The following ABI1 variants were observed in gnomAD, a reference collection of about 807,000 sequenced individuals.
The protein encoded by ABI1 is Abelson interactor 1.
A neutral mutation model predicts 54.6 loss-of-function variants in ABI1; 14 were observed. That is an observed-to-expected ratio of 0.26 (90% confidence interval 0.17 to 0.40). ABI1 has a LOEUF of 0.40. ABI1 is among the 10% of genes least tolerant of loss of function. The pLI is 1.00. For missense variants in ABI1, 443 were observed against 598.3 expected (o/e 0.74, Z 2.71); for synonymous variants, 194 against 209.3 (o/e 0.93, Z 0.63).
intron 10 of ABI1, 136 bp from the exon 11 acceptor site, chr10:26,748,881 A>G (rs1301551530): frequency 1.5e-6 from 1 of 684,252 alleles, no homozygotes; most frequent in African/African-American, 1.8e-5. Flanking sequence ...GTATCTATCA[A>G]TATAAGTAGG....
Position 26,770,234 on chromosome 10 carries a change from T to C in ABI1, c.578+11A>G. ...TATGAATTCTTTTGCAAAATGTAGT[T>C]GAATTCTTACCCCAGTGTTCCCCGG... On this transcript the variant is annotated intron_variant, in intron 5 of 10. Coordinates refer to ENST00000376140, the MANE Select transcript of ABI1 (RefSeq NM_001012750.3). 1 of 1,609,482 alleles carries C rather than the reference T, an allele frequency of 6.2e-7. No homozygotes were observed. The highest frequency in any genetic ancestry group is 8.5e-7 in the Non-Finnish European group (1 of 1,175,832).
intron 1 of ABI1, among the ~76,000 whole-genome samples, chr10:26,834,548 A>AC (rs2048903568): frequency 7.2e-6 from 1 of 138,546 alleles, no homozygotes; most frequent in African/African-American, 2.7e-5. Flanking sequence ...AGACATACAA[A>AC]ACACACACAC....
chr10:26,840,403 A>G (rs1164854674), intron 1 of ABI1, among the ~76,000 whole-genome samples: 3 of 152,220 alleles, frequency 2.0e-5, no homozygotes, highest in Non-Finnish European at 2.9e-5. Context: ...CTGCAGAACC[A>G]CAAGTCAAAT....
intron 1 of ABI1, among the ~76,000 whole-genome samples, chr10:26,824,409 A>G (rs971745266): frequency 6.6e-6 from 1 of 152,200 alleles, no homozygotes; most frequent in Non-Finnish European, 1.5e-5. Context: ...ATACAAAACC[A>G]TATGTACACA....
At chr10:26,859,030 A>G (rs1427901787) in intron 1 of ABI1, among the ~76,000 whole-genome samples, 3 of 152,224 alleles carry the variant, frequency 2.0e-5, no homozygotes, top group Admixed American at 2.0e-4. Context: ...CCTCAATTTC[A>G]AGGCTTTTCA....
chr10:26,839,423 G>A (rs7082752), intron 1 of ABI1, among the ~76,000 whole-genome samples: 1,629 of 152,238 alleles, frequency 0.011, 30 homozygotes, highest in African/African-American at 0.037. Flanking sequence ...TTGAGCCCAG[G>A]AGGTTGAGGC....
chr10:26,776,482 A>G (rs1564483575), intron 3 of ABI1: 4 of 152,064 alleles, frequency 2.6e-5, no homozygotes, highest in Admixed American at 2.6e-4. Context: ...AAATACCAAA[A>G]AGCTGACACA....
rs775172198 is a variant in ABI1, at chr10:26,765,283, C to T, written c.755G>A (p.Ser252Asn). 1.3e-6 allele frequency: 2 copies of T among 1,593,380 alleles called. No individual in the cohort carries two copies. Among genetic ancestry groups the T allele is most frequent in the African/African-American group, 2.7e-5 (2 of 73,350 alleles). The stretch of plus-strand genomic sequence containing the variant: ...GGGAATGCCAATACTACTGCTACCA[C>T]TGTTTTCTCGACTTCCACTTCCTCC... ...SSGGSGSRENSGSSSIGIPIA... is the reference protein window; with the variant it reads ...SSGGSGSRENNGSSSIGIPIA... The change falls in exon 7 of 11, where the codon AGT becomes AAT. Residue 252 changes from serine (S) to asparagine (N), a missense_variant. Around this residue, in one of 2 missense-constraint regions of ABI1, gnomAD observed 394 missense variants for 484.8 expected, o/e 0.81. Coordinates refer to ENST00000376140, the MANE Select transcript of ABI1 (RefSeq NM_001012750.3).
At chr10:26,769,342 A>T (rs1027288672) in intron 5 of ABI1, among the ~76,000 whole-genome samples, 11 of 152,180 alleles carry the variant, frequency 7.2e-5, no homozygotes, top group African/African-American at 2.7e-4. Flanking sequence ...CTGTTCTTTA[A>T]ACAGGAAGCT....
chr10:26,748,807 T>C (rs1356393041), intron 10 of ABI1, 62 bp from the exon 11 acceptor site: 8 of 1,212,628 alleles, frequency 6.6e-6, no homozygotes, highest in Non-Finnish European at 9.3e-6. Flanking sequence ...ACTTGAATTT[T>C]AAGACAAAGA....
intron 1 of ABI1, among the ~76,000 whole-genome samples, chr10:26,850,053 TCC>T (rs1024986261): frequency 1.3e-5 from 2 of 152,158 alleles, no homozygotes; most frequent in Non-Finnish European, 2.9e-5. Flanking sequence ...ATTACAATAG[TCC>T]CCCTTTTTCC....
In ABI1 at chr10:26,768,862, T is replaced by C. The variant is rs1399406513; in HGVS notation, c.709A>G (p.Arg237Gly). 2 of 1,612,896 alleles carry C rather than the reference T, an allele frequency of 1.2e-6. No individual in the cohort carries two copies. Among genetic ancestry groups the C allele is most frequent in the Non-Finnish European group, 8.5e-7 (1 of 1,179,334 alleles). Residue 237 changes from arginine to glycine, a missense_variant, in exon 6 of 11, where the codon AGG (arginine) becomes GGG (glycine). Arg to Gly is a moderately radical substitution (Grantham distance 125, BLOSUM62 -2). Around this residue, in one of 2 missense-constraint regions of ABI1, gnomAD observed 394 missense variants for 484.8 expected, o/e 0.81. Transcript: ENST00000376140. Reference protein sequence around the residue: ...GRTASLNQRPRTHSGSSGGSG... With the variant: ...GRTASLNQRPGTHSGSSGGSG... Reference sequence around the variant, plus strand: ...AACCTAAAGGCTTACCTGTGTGTCCTTGGTCTCTGATTTAAAGATGCTGTC... The same window carrying C: ...AACCTAAAGGCTTACCTGTGTGTCCCTGGTCTCTGATTTAAAGATGCTGTC...
At chr10:26,825,498 T>A (rs2048256304) in intron 1 of ABI1, among the ~76,000 whole-genome samples, 1 of 151,682 alleles carries the variant, frequency 6.6e-6, no homozygotes, top group African/African-American at 2.4e-5. Context: ...CTGTCTCTAC[T>A]AAAAATACAA....
chr10:26,752,922 A>G (rs886646421), intron 9 of ABI1, among the ~76,000 whole-genome samples: 1 of 152,216 alleles, frequency 6.6e-6, no homozygotes, highest in African/African-American at 2.4e-5. Flanking sequence ...CAGGAATTAC[A>G]TAATTCCTGC....
At chr10:26,828,878 T>A (rs1297167159) in intron 1 of ABI1, among the ~76,000 whole-genome samples, 1 of 152,172 alleles carries the variant, frequency 6.6e-6, no homozygotes. Context: ...AAATAGATTT[T>A]GACATAAGAA....
chr10:26,810,206 A>C (rs937345862), intron 2 of ABI1, among the ~76,000 whole-genome samples: 1 of 152,060 alleles, frequency 6.6e-6, no homozygotes, highest in Admixed American at 6.6e-5. Flanking sequence ...GCAGTACCCC[A>C]CTGGTGTCAG....
At chr10:26,799,576 A>G (rs1316090013) in intron 2 of ABI1, among the ~76,000 whole-genome samples, 1 of 152,224 alleles carries the variant, frequency 6.6e-6, no homozygotes, top group Admixed American at 6.5e-5. Context: ...GGCTTAGAAC[A>G]GTGATTCTGA....
At chr10:26,847,537 T>G (rs536796975) in intron 1 of ABI1, among the ~76,000 whole-genome samples, 1 of 151,964 alleles carries the variant, frequency 6.6e-6, no homozygotes, top group African/African-American at 2.4e-5. Context: ...GGTGGGAGGA[T>G]TGCTTGAGCC....
chr10:26,773,212 A>ATTTTTTTTTTTTTTTTTT (rs1342694391), intron 3 of ABI1, among the ~76,000 whole-genome samples: 31 of 63,350 alleles, frequency 4.9e-4, no homozygotes, highest in East Asian at 1.3e-3. Context: ...TCTAATGCTA[A>ATTTTTTTTTTTTTTTTTT]TTCTTTTTTT....
Sources: gnomAD v4.1 joint callset for allele counts (sites outside exome capture counted in the v4.1 genomes callset) on GRCh38, gnomAD v4.1.1 for gene constraint, gnomAD v4.1.1 regional missense constraint, MANE v1.5 for transcripts, NCBI Gene and HGNC (gene_info 2026-07-23, HGNC 2026-07-21) for gene names.